EVL: variants seen among roughly 807,000 people sequenced by gnomAD.
The protein encoded by EVL is Enah/Vasp-like, also known as ena/VASP-like protein.
EVL carries 21 observed loss-of-function variants against 59.6 expected under a neutral mutation model. The observed-to-expected ratio is 0.35, with a 90% CI of 0.25 to 0.51. The LOEUF (loss-of-function observed/expected upper bound fraction) is 0.51. Among genes scored for constraint, EVL ranks in the 20% least tolerant of loss-of-function variants. EVL has a pLI of 0.97. For synonymous variants in EVL, 198 were observed against 203.5 expected, an observed-to-expected ratio of 0.97 and a Z score of 0.23; for missense variants, 462 against 546.6, an observed-to-expected ratio of 0.85 and a Z score of 1.54.
At chr14:100,116,581 C>G (rs1885980913) in intron 3 of EVL, among the ~76,000 whole-genome samples, 1 of 152,214 alleles carries the variant, frequency 6.6e-6, no homozygotes, top group Non-Finnish European at 1.5e-5. Context: ...CTCGCCTTGT[C>G]TGCCTGCCTT....
intron 3 of EVL, among the ~76,000 whole-genome samples, chr14:100,104,813 T>C (rs1886453855): frequency 6.6e-6 from 1 of 151,324 alleles, no homozygotes; most frequent in Non-Finnish European, 1.5e-5. Flanking sequence ...AATGTGTAGA[T>C]AAATAATCCC....
At chr14:100,009,312 C>T (rs903906398) in intron 1 of EVL, among the ~76,000 whole-genome samples, 5 of 152,174 alleles carry the variant, frequency 3.3e-5, no homozygotes, top group African/African-American at 4.8e-5. Flanking sequence ...TATTCCCCTC[C>T]TTGATCTCCC....
intron 1 of EVL, among the ~76,000 whole-genome samples, chr14:100,028,700 A>G (rs2061262389): frequency 6.6e-6 from 1 of 152,146 alleles, no homozygotes; most frequent in African/African-American, 2.4e-5. Flanking sequence ...AGTCCCAGCT[A>G]CTCGGGAGGC....
chr14:100,053,601 A>T (rs2061680498), intron 1 of EVL, among the ~76,000 whole-genome samples: 1 of 152,248 alleles, frequency 6.6e-6, no homozygotes, highest in Non-Finnish European at 1.5e-5. Context: ...TTACTCAAAC[A>T]TCATTAAACC....
In EVL at chr14:100,141,173, C is replaced by T. The variant is rs1889141831; in HGVS notation, c.1095-7C>T. On this transcript the variant is annotated splice_polypyrimidine_tract_variant and splice_region_variant and intron_variant, in intron 11 of 13. Transcript: ENST00000392920. ...GCCAGGGCACCCACAGGCCCTTTCT[C>T]TCCCAGGATGAAGCCTGCTGGGAGC... 3 of 1,613,670 alleles carry T rather than the reference C, an allele frequency of 1.9e-6. No individual in the cohort carries two copies. Among genetic ancestry groups the T allele is most frequent in the Non-Finnish European group, 2.5e-6 (3 of 1,179,872 alleles).
intron 3 of EVL, among the ~76,000 whole-genome samples, chr14:100,103,006 G>A (rs1318505063): frequency 6.6e-6 from 1 of 151,502 alleles, no homozygotes; most frequent in Non-Finnish European, 1.5e-5. Flanking sequence ...GGAGGCTGAG[G>A]CAGGAGAATC....
At chr14:100,064,932 G>T, upstream of EVL, among the ~76,000 whole-genome samples, 1 of 152,152 alleles carries the variant, frequency 6.6e-6, no homozygotes, top group Non-Finnish European at 1.5e-5. Context: ...AAAAAGACTT[G>T]ATCAGCTTAT....
upstream of EVL, among the ~76,000 whole-genome samples, chr14:100,062,795 C>T (rs1188206065): frequency 6.6e-6 from 1 of 152,170 alleles, no homozygotes; most frequent in Non-Finnish European, 1.5e-5. Flanking sequence ...GAACCTGTGA[C>T]TGTGTGACTT....
At chr14:100,032,135 C>T (rs953864824) in intron 1 of EVL, among the ~76,000 whole-genome samples, 1 of 152,214 alleles carries the variant, frequency 6.6e-6, no homozygotes, top group Non-Finnish European at 1.5e-5. Flanking sequence ...GGCAATGAAA[C>T]ATTCTGTGAT....
chr14:100,011,380 TG>T (rs929640880), intron 1 of EVL, among the ~76,000 whole-genome samples: 1 of 152,228 alleles, frequency 6.6e-6, no homozygotes, highest in African/African-American at 2.4e-5. Flanking sequence ...AAATGATTTT[TG>T]TCCAGTAGAA....
intron 1 of EVL, among the ~76,000 whole-genome samples, chr14:100,070,302 T>C (rs1468578951): frequency 6.6e-6 from 1 of 152,140 alleles, no homozygotes; most frequent in East Asian, 1.9e-4. Flanking sequence ...CAAAGTATCG[T>C]ATTCCAGGTC....
At chr14:99,999,363 C>T (rs1191005) in intron 1 of EVL, among the ~76,000 whole-genome samples, 28,118 of 152,152 alleles carry the variant, frequency 0.18, 3,290 homozygotes, top group East Asian at 0.46. Flanking sequence ...AATTACTTTA[C>T]CTCTCTGTCC....
intron 1 of EVL, chr14:100,052,898 G>C (rs896543033): frequency 2.0e-5 from 3 of 152,768 alleles, no homozygotes; most frequent in African/African-American, 7.2e-5. Context: ...TGGAGGCTGG[G>C]AAGTCCGAGA....
intron 4 of EVL, 85 bp downstream of exon 4, chr14:100,123,687 C>A: frequency 7.1e-7 from 1 of 1,416,658 alleles, no homozygotes; most frequent in Non-Finnish European, 9.9e-7. Flanking sequence ...TGAGGATGCA[C>A]CAGCAGCCAA....
At chr14:99,974,399 A>T (rs1273863709) in intron 1 of EVL, 2 of 152,502 alleles carry the variant, frequency 1.3e-5, no homozygotes, top group Non-Finnish European at 2.9e-5. Flanking sequence ...CTAGTTTCCT[A>T]ATAGGTAGAC....
chr14:100,136,891 G>A (rs904179271), intron 9 of EVL, among the ~76,000 whole-genome samples: 1 of 152,152 alleles, frequency 6.6e-6, no homozygotes, highest in Non-Finnish European at 1.5e-5. Flanking sequence ...GGACATGTCT[G>A]TAGCCCCAGG....
chr14:100,021,790 A>T (rs1188023414), intron 1 of EVL, among the ~76,000 whole-genome samples: 1 of 152,186 alleles, frequency 6.6e-6, no homozygotes, highest in Non-Finnish European at 1.5e-5. Flanking sequence ...GATTACCTTC[A>T]TGGAGATGGG....
chr14:99,993,259 G>A (rs761897234), intron 1 of EVL, among the ~76,000 whole-genome samples: 73 of 151,790 alleles, frequency 4.8e-4, no homozygotes, highest in Non-Finnish European at 8.1e-4. Context: ...AGGGTTTCAC[G>A]GTGTTAGCCA....
At chr14:100,020,885 G>T (rs1054742133) in intron 1 of EVL, among the ~76,000 whole-genome samples, 4 of 152,230 alleles carry the variant, frequency 2.6e-5, no homozygotes, top group Admixed American at 1.3e-4. Context: ...TTGCGACAAA[G>T]AAATTCTTTT....
Sources: allele counts gnomAD v4.1 joint callset (sites outside exome capture counted in the v4.1 genomes callset), GRCh38; gene constraint gnomAD v4.1.1; transcripts MANE v1.5; gene names NCBI Gene and HGNC (gene_info 2026-07-23, HGNC 2026-07-21).